Variants in CTNND2 observed in about 807,000 individuals in gnomAD.
The protein encoded by CTNND2 is catenin delta 2, also known as catenin delta-2.
CTNND2 carries 22 observed loss-of-function variants against 144.4 expected under a neutral mutation model. That is an observed-to-expected ratio of 0.15 (90% CI 0.11 to 0.22). The LOEUF (loss-of-function observed/expected upper bound fraction) is 0.22, where lower values mean the gene tolerates loss of function less well. Among genes scored for constraint, CTNND2 ranks in the 10% least tolerant of loss-of-function variants. CTNND2 has a pLI of 1.00. For synonymous variants in CTNND2, 751 were observed against 695.6 expected (o/e 1.08, Z -1.25); for missense variants, 1,353 against 1,618.8 (o/e 0.84, Z 2.82).
At chr5:11,564,876 G>C in intron 3 of CTNND2, 68 bp downstream of exon 3, 1 of 1,077,008 alleles carries the variant, frequency 9.3e-7, no homozygotes, top group Non-Finnish European at 1.4e-6. Flanking sequence ...TTGGAAAGAA[G>C]AGAAACATCA....
intron 9 of CTNND2, among the ~76,000 whole-genome samples, chr5:11,295,084 C>T (rs142596995): frequency 0.036 from 5,498 of 152,214 alleles, 177 homozygotes; most frequent in African/African-American, 0.081. Context: ...TAGAAAACCC[C>T]ACTGTCTCCG....
intron 9 of CTNND2, among the ~76,000 whole-genome samples, chr5:11,238,272 C>T (rs1278499330): frequency 6.6e-6 from 1 of 151,974 alleles, no homozygotes; most frequent in African/African-American, 2.4e-5. Flanking sequence ...AAACTTGACC[C>T]CACAAGCCAC....
intron 9 of CTNND2, among the ~76,000 whole-genome samples, chr5:11,299,214 T>C (rs1422556376): frequency 1.3e-5 from 2 of 152,206 alleles, no homozygotes; most frequent in Non-Finnish European, 2.9e-5. Flanking sequence ...GACTGGCTTT[T>C]CTTCACGGTT....
chr5:10,986,935 A>T (rs899427519), intron 20 of CTNND2, among the ~76,000 whole-genome samples: 9 of 152,236 alleles, frequency 5.9e-5, no homozygotes, highest in Non-Finnish European at 1.5e-5. Context: ...GTCTACACCT[A>T]AATACTACTG....
At chr5:11,604,833 A>G (rs1041460769) in intron 2 of CTNND2, among the ~76,000 whole-genome samples, 26 of 152,178 alleles carry the variant, frequency 1.7e-4, no homozygotes, top group African/African-American at 6.0e-4. Context: ...ATTCATGGGC[A>G]TTTGTGTCAG....
At chr5:11,205,670 G>A (rs575727288) in intron 10 of CTNND2, among the ~76,000 whole-genome samples, 2 of 152,312 alleles carry the variant, frequency 1.3e-5, no homozygotes, top group Non-Finnish European at 2.9e-5. Context: ...AATATGAACT[G>A]AGGTAAGTCC....
rs192562981 is a variant in CTNND2 at position 11,129,181 on chromosome 5, T to A, written c.2160-11614A>T. ...CATATATTATATATTATATATTTTA[T>A]ATATAATATATAATATATATTATAT... On this transcript the variant is annotated intron_variant, in intron 12 of 21. Transcript: ENST00000304623. Among the ~76,000 whole-genome samples, 2 of 48,722 alleles carry A rather than the reference T, an allele frequency of 4.1e-5. 1 individual carries two copies. The highest frequency in any genetic ancestry group is 7.0e-5 in the Non-Finnish European group (2 of 28,506). 32.0% of individuals were successfully genotyped at this position (48,722 alleles called of 152,430 possible).
At chr5:11,271,555 A>C (rs1746012759) in intron 9 of CTNND2, among the ~76,000 whole-genome samples, 1 of 152,164 alleles carries the variant, frequency 6.6e-6, no homozygotes, top group Non-Finnish European at 1.5e-5. Context: ...TGAGGATGAT[A>C]GCAATGTTGA....
intron 1 of CTNND2, among the ~76,000 whole-genome samples, chr5:11,885,133 C>T (rs1489297701): frequency 1.3e-5 from 2 of 152,082 alleles, no homozygotes; most frequent in Non-Finnish European, 2.9e-5. Flanking sequence ...CTTTTTGTTG[C>T]TGTTTCCTTG....
chr5:11,007,905 C>A (rs1181613167), intron 18 of CTNND2, among the ~76,000 whole-genome samples: 1 of 152,222 alleles, frequency 6.6e-6, no homozygotes, highest in Non-Finnish European at 1.5e-5. Flanking sequence ...AGCCCCTAGA[C>A]AGGGAGATGT....
intron 3 of CTNND2, among the ~76,000 whole-genome samples, chr5:11,505,020 A>G (rs1770885201): frequency 6.6e-6 from 1 of 151,980 alleles, no homozygotes; most frequent in Admixed American, 6.6e-5. Flanking sequence ...GCACATCCAC[A>G]TCAGCTAATC....
chr5:11,565,012 C>A lies in CTNND2; in HGVS notation c.219G>T (p.Arg73=), dbSNP rs753147503. 16 of 1,614,018 alleles carry A rather than the reference C, an allele frequency of 9.9e-6. No individual in the cohort carries two copies. Among genetic ancestry groups the A allele is most frequent in the Non-Finnish European group, 1.4e-5 (16 of 1,179,996 alleles). The change falls in exon 3 of 22, where the codon CGG becomes CGT. Residue 73 remains arginine, a synonymous_variant. Transcript: ENST00000304623. ...ERLTRELEAE[R]QIVASQLERC... ...GCTCCAGCTGGCTGGCTACGATCTG[C>A]CGTTCAGCCTCCAGCTCTCGGGTCA...
At chr5:11,227,380 A>C (rs1441682573) in intron 10 of CTNND2, among the ~76,000 whole-genome samples, 2 of 152,244 alleles carry the variant, frequency 1.3e-5, no homozygotes, top group Admixed American at 6.5e-5. Context: ...TACAGCAGCC[A>C]GGGTTCAAAT....
chr5:11,192,936 G>C (rs1173661102), intron 11 of CTNND2, among the ~76,000 whole-genome samples: 1 of 152,178 alleles, frequency 6.6e-6, no homozygotes, highest in Non-Finnish European at 1.5e-5. Context: ...CTGTGCCTGG[G>C]ATACTTTCCC....
At chr5:11,172,357 T>C (rs879448197) in intron 11 of CTNND2, among the ~76,000 whole-genome samples, 65 of 152,352 alleles carry the variant, frequency 4.3e-4, no homozygotes, top group South Asian at 1.5e-3. Context: ...GAGTTTCATA[T>C]GTGAGATCTT....
chr5:11,844,667 T>C (rs755581203), intron 1 of CTNND2, among the ~76,000 whole-genome samples: 23 of 152,158 alleles, frequency 1.5e-4, no homozygotes, highest in Admixed American at 3.9e-4. Context: ...GTTGTTTAAT[T>C]TGAACTCTTT....
rs1738103769 is a variant in CTNND2, at chr5:11,903,752, AGAG to A, written c.37+62_37+64del. ...CCCAGGACCACCCCCACCAGCGGCA[AGAG>A]GAGGAGGACGGCGCCGGGAGGAGGC... is the stretch of plus-strand genomic sequence containing the variant. On this transcript the variant is annotated intron_variant, in intron 1 of 21. Coordinates refer to ENST00000304623, the MANE Select transcript of CTNND2 (RefSeq NM_001332.4). The surrounding 1 kb of genome is among the most constrained non-coding windows in gnomAD (Gnocchi z 5.4). The A allele has an allele frequency of 1.4e-6, 2 of 1,437,614 alleles. No homozygotes were observed. Among genetic ancestry groups the A allele is most frequent in the Admixed American group, 2.4e-5 (1 of 41,302 alleles). The allele number at this position is 1,437,614 out of a possible 1,614,324, so 89.1% of individuals were successfully genotyped here.
chr5:11,793,497 G>C (rs4518397), intron 1 of CTNND2, among the ~76,000 whole-genome samples: 148,960 of 152,304 alleles, frequency 0.98, 72,923 homozygotes, highest in East Asian at 1. Flanking sequence ...TACTGGAGTA[G>C]GGTGAGCTCC....
At chr5:11,062,206 C>G (rs957590321) in intron 16 of CTNND2, among the ~76,000 whole-genome samples, 1 of 152,106 alleles carries the variant, frequency 6.6e-6, no homozygotes, top group Non-Finnish European at 1.5e-5. Flanking sequence ...AAATATCCAA[C>G]TATGTATTAG....
Sources: allele counts gnomAD v4.1 joint callset (sites outside exome capture counted in the v4.1 genomes callset), GRCh38; gene constraint gnomAD v4.1.1; non-coding constraint Gnocchi (gnomAD v3.1); transcripts MANE v1.5; gene names NCBI Gene and HGNC (gene_info 2026-07-23, HGNC 2026-07-21).